Variants in FER observed in about 807,000 individuals in gnomAD.
FER encodes the protein tyrosine-protein kinase Fer.
In FER, 63 loss-of-function variants were observed where a neutral mutation model predicts 111.0. That is an observed-to-expected ratio of 0.57 (90% CI 0.46 to 0.70). The LOEUF (loss-of-function observed/expected upper bound fraction) is 0.70. FER is among the 30% of genes least tolerant of loss of function. The probability of loss-of-function intolerance (pLI) is 0.00; values close to 1 mark genes in which losing one functional copy is unlikely to be tolerated. For synonymous variants in FER, 327 were observed against 313.9 expected (o/e 1.04, Z -0.44); for missense variants, 914 against 954.0 (o/e 0.96, Z 0.55).
chr5:108,852,431 A>G (rs1272684116), intron 5 of FER, among the ~76,000 whole-genome samples: 7 of 152,096 alleles, frequency 4.6e-5, no homozygotes, highest in Non-Finnish European at 1.0e-4. Context: ...CTTTTAGTTG[A>G]TTTCCTCAAT....
At chr5:109,047,947 G>T (rs1469110825) in intron 16 of FER, among the ~76,000 whole-genome samples, 1 of 151,996 alleles carries the variant, frequency 6.6e-6, no homozygotes, top group Non-Finnish European at 1.5e-5. Context: ...ATGTTTTAAA[G>T]TTTTTTTCGT....
intron 16 of FER, among the ~76,000 whole-genome samples, chr5:109,080,065 AT>A (rs1776815427): frequency 1.3e-5 from 2 of 151,360 alleles, no homozygotes; most frequent in South Asian, 4.2e-4. Context: ...GGTTAAATGA[AT>A]AAAGTGTATC....
intron 17 of FER, among the ~76,000 whole-genome samples, chr5:109,146,134 AAAC>A (rs1754078314): frequency 6.8e-6 from 1 of 147,552 alleles, no homozygotes; most frequent in African/African-American, 2.5e-5. Context: ...GTCTGAATTT[AAAC>A]AACAGAGAGG....
At chr5:108,847,597 G>A (rs1326909548) in intron 5 of FER, among the ~76,000 whole-genome samples, 1 of 152,000 alleles carries the variant, frequency 6.6e-6, no homozygotes, top group Non-Finnish European at 1.5e-5. Flanking sequence ...AGTTATTGAT[G>A]GAAGGATATT....
rs563325551 is a variant in FER at position 108,757,754 on chromosome 5, A to G, written c.-206+9754A>G. 1.2e-4 allele frequency among the ~76,000 whole-genome samples: 18 copies of G among 152,352 alleles called. No homozygotes were observed. The South Asian group carries it at 3.7e-3, about 32-fold the overall frequency. ...CAGCTACTACTTTCTAGAAGTTAAT[A>G]TAGTTCTGACAAATATCTTAAAATG... On this transcript the variant is annotated intron_variant, in intron 1 of 19. Coordinates refer to ENST00000281092, the MANE Select transcript of FER (RefSeq NM_005246.4).
At chr5:108,918,730 G>A (rs986490780) in intron 10 of FER, among the ~76,000 whole-genome samples, 3 of 151,618 alleles carry the variant, frequency 2.0e-5, no homozygotes, top group East Asian at 2.0e-4. Flanking sequence ...CTCATGATCC[G>A]CCCGCCTCAG....
At chr5:109,072,675 C>A (rs1466466315) in intron 16 of FER, among the ~76,000 whole-genome samples, 1 of 151,930 alleles carries the variant, frequency 6.6e-6, no homozygotes, top group African/African-American at 2.4e-5. Context: ...ATAATGAAAT[C>A]TGCTCGAAGA....
intron 5 of FER, among the ~76,000 whole-genome samples, chr5:108,846,391 A>G (rs1762028035): frequency 6.6e-6 from 1 of 151,786 alleles, no homozygotes; most frequent in African/African-American, 2.4e-5. Context: ...ATGCCATTGT[A>G]CTCCAGACTG....
chr5:108,785,233 A>G, intron 2 of FER: 1 of 593,590 alleles, frequency 1.7e-6, no homozygotes, highest in Non-Finnish European at 3.1e-6. Context: ...GTGCATCTGG[A>G]GGCAAGGATG....
chr5:109,111,771 C>A (rs1222455383), intron 17 of FER, among the ~76,000 whole-genome samples: 1 of 152,094 alleles, frequency 6.6e-6, no homozygotes, highest in Non-Finnish European at 1.5e-5. Context: ...CATAAGAACT[C>A]ACTATCATGA....
At chr5:109,042,392 G>A (rs144700488) in intron 14 of FER, among the ~76,000 whole-genome samples, 1,966 of 152,154 alleles carry the variant, frequency 0.013, 21 homozygotes, top group Non-Finnish European at 0.022. Flanking sequence ...TTAAAGCAAA[G>A]GTTTGCGTTG....
At chr5:109,180,989 C>T in intron 18 of FER, 88 bp downstream of exon 18, 1 of 1,097,462 alleles carries the variant, frequency 9.1e-7, no homozygotes, top group East Asian at 2.7e-5. Flanking sequence ...AGGGGTAGCA[C>T]AGAATGCAAG....
intron 5 of FER, among the ~76,000 whole-genome samples, chr5:108,851,466 G>T (rs1762540039): frequency 6.6e-6 from 1 of 152,050 alleles, no homozygotes; most frequent in Non-Finnish European, 1.5e-5. Context: ...GATTTGGGTG[G>T]GGACAAAGCC....
intron 2 of FER, 143 bp from the exon 3 acceptor site, chr5:108,797,981 A>G (rs1580595993): frequency 2.1e-6 from 1 of 486,026 alleles, no homozygotes; most frequent in Non-Finnish European, 3.6e-6. Flanking sequence ...GGACTTCTTC[A>G]TCTTGTTTCT....
intron 17 of FER, among the ~76,000 whole-genome samples, chr5:109,152,242 C>G (rs1754929164): frequency 6.6e-6 from 1 of 151,996 alleles, no homozygotes; most frequent in Non-Finnish European, 1.5e-5. Flanking sequence ...CATCAGCTAG[C>G]TCCTCTTCTT....
chr5:108,965,665 T>G (rs1397165676), intron 13 of FER, among the ~76,000 whole-genome samples: 1 of 152,128 alleles, frequency 6.6e-6, no homozygotes. Flanking sequence ...TCTGTTCTAT[T>G]CATCATCTTT....
At chr5:108,976,665 C>T (rs1761390262) in intron 13 of FER, among the ~76,000 whole-genome samples, 1 of 152,084 alleles carries the variant, frequency 6.6e-6, no homozygotes, top group Non-Finnish European at 1.5e-5. Flanking sequence ...TGCTATATGT[C>T]TATACTGTAT....
At chr5:108,926,342 TC>T (rs1274846530) in intron 10 of FER, among the ~76,000 whole-genome samples, 1 of 152,060 alleles carries the variant, frequency 6.6e-6, no homozygotes, top group African/African-American at 2.4e-5. Flanking sequence ...TTAACTTTTT[TC>T]TTTTATAGTA....
At chr5:108,814,178 T>C (rs1050210952) in intron 3 of FER, among the ~76,000 whole-genome samples, 1 of 152,198 alleles carries the variant, frequency 6.6e-6, no homozygotes, top group Admixed American at 6.5e-5. Context: ...GTATCTCTTC[T>C]GTGACTTTTT....
Sources: allele counts gnomAD v4.1 joint callset (sites outside exome capture counted in the v4.1 genomes callset), GRCh38; gene constraint gnomAD v4.1.1; transcripts MANE v1.5; gene names NCBI Gene and HGNC (gene_info 2026-07-23, HGNC 2026-07-21).